ADD3: variants seen among roughly 807,000 people sequenced by gnomAD.
ADD3 encodes adducin 3, also known as gamma-adducin.
In ADD3, 25 loss-of-function variants were observed where a neutral mutation model predicts 80.2. The ratio of observed to expected loss-of-function variants is 0.31; its 90% confidence interval spans 0.23 to 0.44. The LOEUF is 0.44. Among genes scored for constraint, ADD3 ranks in the 20% least tolerant of loss-of-function variants. The probability of loss-of-function intolerance (pLI) is 1.00; values close to 1 mark genes in which losing one functional copy is unlikely to be tolerated. For synonymous variants in ADD3, 284 were observed against 289.6 expected, an observed-to-expected ratio of 0.98 and a Z score of 0.20; for missense variants, 829 against 847.5, an observed-to-expected ratio of 0.98 and a Z score of 0.27.
intron 1 of ADD3, among the ~76,000 whole-genome samples, chr10:110,066,012 T>G (rs1843908539): frequency 6.6e-6 from 1 of 152,162 alleles, no homozygotes; most frequent in African/African-American, 2.4e-5. Flanking sequence ...TTATAGCATC[T>G]TCCTTTCTCA....
intron 5 of ADD3, among the ~76,000 whole-genome samples, chr10:110,118,044 AC>A (rs1850993077): frequency 1.3e-5 from 2 of 150,700 alleles, no homozygotes; most frequent in Admixed American, 1.3e-4. Flanking sequence ...ACACACACAC[AC>A]ACACACACAC....
intron 1 of ADD3, among the ~76,000 whole-genome samples, chr10:110,053,470 T>G (rs977193018): frequency 5.9e-5 from 9 of 152,176 alleles, no homozygotes; most frequent in Admixed American, 2.0e-4. Context: ...GTAATACTCA[T>G]TAGAAATTAG....
chr10:110,007,005 A>T (rs974717678), upstream of ADD3, among the ~76,000 whole-genome samples: 1 of 150,896 alleles, frequency 6.6e-6, no homozygotes, highest in African/African-American at 2.5e-5. Context: ...TGGCAGAGAA[A>T]AGTGTGCACC....
chr10:110,066,327 C>T (rs768803755), intron 1 of ADD3, among the ~76,000 whole-genome samples: 116 of 152,262 alleles, frequency 7.6e-4, no homozygotes, highest in Non-Finnish European at 1.2e-3. Context: ...GCAACGTCTG[C>T]CTCCGAGGTT....
chr10:110,090,601 G>A (rs1847380307), intron 1 of ADD3, among the ~76,000 whole-genome samples: 1 of 152,112 alleles, frequency 6.6e-6, no homozygotes, highest in Non-Finnish European at 1.5e-5. Context: ...TAACTGCTTT[G>A]TTCCAATTGT....
At chr10:110,032,100 AT>A (rs1052445812) in intron 1 of ADD3, among the ~76,000 whole-genome samples, 2 of 152,208 alleles carry the variant, frequency 1.3e-5, no homozygotes. Context: ...TGCCAGGAAT[AT>A]CAAATCTTGG....
chr10:110,084,532 A>C (rs898537019), intron 1 of ADD3, among the ~76,000 whole-genome samples: 1 of 152,218 alleles, frequency 6.6e-6, no homozygotes, highest in African/African-American at 2.4e-5. Flanking sequence ...ATCTCATTCT[A>C]ATGTAGATAA....
At chr10:110,056,210 A>G (rs1858174456) in intron 1 of ADD3, among the ~76,000 whole-genome samples, 1 of 152,210 alleles carries the variant, frequency 6.6e-6, no homozygotes, top group Admixed American at 6.5e-5. Context: ...AATTCACAAT[A>G]GGTTCTGATG....
chr10:110,041,852 A>G (rs956113487), intron 1 of ADD3, among the ~76,000 whole-genome samples: 3 of 152,222 alleles, frequency 2.0e-5, no homozygotes, highest in Non-Finnish European at 2.9e-5. Context: ...CAGGCTAGTT[A>G]TATTACTTTT....
chr10:110,054,644 GCT>G (rs1460090625), intron 1 of ADD3, among the ~76,000 whole-genome samples: 5 of 141,386 alleles, frequency 3.5e-5, no homozygotes, highest in Non-Finnish European at 7.6e-5. Context: ...ACGGAGTCTC[GCT>G]CTGTCCCCCA....
At chr10:110,048,367 G>C (rs1857131777) in intron 1 of ADD3, among the ~76,000 whole-genome samples, 1 of 152,204 alleles carries the variant, frequency 6.6e-6, no homozygotes, top group Non-Finnish European at 1.5e-5. Context: ...CTGCTGTAAA[G>C]ATGCCCAAAA....
chr10:110,079,455 AGAGAGAGTGT>A (rs1390920908), intron 1 of ADD3, among the ~76,000 whole-genome samples: 195 of 125,508 alleles, frequency 1.6e-3, no homozygotes, highest in African/African-American at 5.0e-3. Context: ...AGAGAGAGAG[AGAGAGAGTGT>A]GTGTGTGTGT....
intron 3 of ADD3, among the ~76,000 whole-genome samples, chr10:110,115,033 C>G (rs772060262): frequency 6.8e-6 from 1 of 146,926 alleles, no homozygotes; most frequent in Middle Eastern, 3.4e-3. Context: ...GAGCCATGAT[C>G]ACACCACTGC....
intron 3 of ADD3, among the ~76,000 whole-genome samples, chr10:110,113,547 C>T (rs758790685): frequency 3.9e-5 from 6 of 152,074 alleles, no homozygotes; most frequent in Admixed American, 6.5e-5. Context: ...GATTACAGGC[C>T]TGAGCCACTG....
chr10:110,064,553 C>T (rs1843671751), intron 1 of ADD3, among the ~76,000 whole-genome samples: 1 of 152,068 alleles, frequency 6.6e-6, no homozygotes. Context: ...AAGTGCTGTT[C>T]ACGTCTTTTA....
intron 1 of ADD3, among the ~76,000 whole-genome samples, chr10:110,060,209 G>A (rs1353248987): frequency 6.6e-6 from 1 of 152,198 alleles, no homozygotes; most frequent in Non-Finnish European, 1.5e-5. Flanking sequence ...GTGTGAAAAT[G>A]TACTTGCTTT....
upstream of ADD3, among the ~76,000 whole-genome samples, chr10:110,006,493 G>A (rs182818611): frequency 1.4e-3 from 211 of 152,228 alleles, no homozygotes; most frequent in Middle Eastern, 3.4e-3. Context: ...GTCAGGCTGA[G>A]CATTTTCTAA....
intron 1 of ADD3, among the ~76,000 whole-genome samples, chr10:110,031,198 C>A (rs560646421): frequency 6.6e-6 from 1 of 152,102 alleles, no homozygotes; most frequent in South Asian, 2.1e-4. Context: ...CCCTTGAACC[C>A]GGAGGGGGAG....
intron 2 of ADD3, among the ~76,000 whole-genome samples, chr10:110,103,106 G>A (rs1278132392): frequency 6.6e-6 from 1 of 151,948 alleles, no homozygotes; most frequent in African/African-American, 2.4e-5. Context: ...AATCTTCTTT[G>A]TGAAAGACTT....
Sources: allele counts gnomAD v4.1 joint callset (sites outside exome capture counted in the v4.1 genomes callset), GRCh38; gene constraint gnomAD v4.1.1; transcripts MANE v1.5; gene names NCBI Gene and HGNC (gene_info 2026-07-23, HGNC 2026-07-21).